The following DISP2 variants were observed in gnomAD, a reference collection of about 807,000 sequenced individuals.
DISP2 encodes protein dispatched homolog 2.
DISP2 carries 59 observed loss-of-function variants against 95.5 expected under a neutral mutation model. The observed-to-expected ratio is 0.62, with a 90% CI of 0.50 to 0.77. DISP2 has a LOEUF of 0.77. Ranked by LOEUF, DISP2 falls within the 30% of genes least tolerant of loss-of-function variation. The pLI is 0.00. For missense variants in DISP2, 1,752 were observed against 1,854.6 expected, an observed-to-expected ratio of 0.94 and a Z score of 1.02; for synonymous variants, 827 against 815.0, an observed-to-expected ratio of 1.01 and a Z score of -0.25.
chr15:40,367,426 C>T lies in DISP2; in HGVS notation c.1314C>T (p.Leu438=), dbSNP rs1235994964. The part of the protein sequence containing the change: ...YQVPSLKYSL[L]FLPTPKGASL... ...TGCCTTCCCTCAAGTACAGCCTGCT[C>T]TTCCTGCCCACCCCAAAGGGTGCTT... is the stretch of plus-strand genomic sequence containing the variant. The change falls in exon 8 of 8, where the codon CTC becomes CTT. Residue 438 remains leucine, a synonymous_variant. Coordinates refer to ENST00000267889, the MANE Select transcript of DISP2 (RefSeq NM_033510.3). 2.5e-6 allele frequency: 4 copies of T among 1,613,708 alleles called. No homozygotes were observed. Among genetic ancestry groups the T allele is most frequent in the Admixed American group, 1.7e-5 (1 of 59,990 alleles).
At position 40,369,366 on chromosome 15, in the gene DISP2, A is replaced by G. The variant is rs139523863; in HGVS notation, c.3254A>G (p.Tyr1085Cys). 9.1e-5 allele frequency: 147 copies of G among 1,613,558 alleles called. 1 individual carries two copies. The South Asian group carries it at 1.1e-3, about 13-fold the overall frequency. Reference protein sequence around the residue: ...VLMLPATVLLYRKLGIILMMV... With the variant: ...VLMLPATVLLCRKLGIILMMV... ...ATGCTGCCTGCCACAGTGCTGCTCT[A>G]TCGCAAGCTGGGCATCATCCTCATG... The change falls in exon 8 of 8, where the codon TAT becomes TGT. Residue 1085 changes from tyrosine to cysteine, a missense_variant. Tyr to Cys is a radical substitution (Grantham distance 194). Around this residue, in one of 5 missense-constraint regions of DISP2, gnomAD observed 317 missense variants for 394.9 expected, o/e 0.80. Transcript: ENST00000267889.
chr15:40,378,132 A>G lies in DISP2; in HGVS notation c.*7814A>G, dbSNP rs1184880361. ...CAATAAAAAATTACCAGTCATGCAA[A>G]CTATAACCCATCATAAGGAGAAAAA... On this transcript the variant is annotated 3_prime_UTR_variant, in exon 8 of 8. Transcript: ENST00000267889. 1 of 152,262 alleles carries G rather than the reference A, an allele frequency of 6.6e-6. No individual in the cohort carries two copies. The highest frequency in any genetic ancestry group is 1.5e-5 in the Non-Finnish European group (1 of 68,046). The allele number at this position is 152,262 out of a possible 1,614,324, so 9.4% of individuals were successfully genotyped here. A position where few individuals can be genotyped will look rare whatever the true frequency, so the allele number is the denominator to read the frequency against.
At chr15:40,360,975 A>G (rs971660042) in intron 1 of DISP2, among the ~76,000 whole-genome samples, 3 of 152,222 alleles carry the variant, frequency 2.0e-5, no homozygotes, top group African/African-American at 7.2e-5. Context: ...AACATCTTAA[A>G]GAGGTCTATG....
In DISP2 at chr15:40,365,632, G is replaced by A; in HGVS notation, c.852G>A (p.Lys284=). 1.2e-6 allele frequency: 2 copies of A among 1,614,130 alleles called. No homozygotes were observed. The highest frequency in any genetic ancestry group is 1.7e-6 in the Non-Finnish European group (2 of 1,179,994). The change falls in exon 7 of 8, where the codon AAG becomes AAA. Residue 284 remains lysine, a synonymous_variant. Coordinates refer to ENST00000267889, the MANE Select transcript of DISP2 (RefSeq NM_033510.3). ...QENFFCGPPE[K]SYAKLVFMST... ...GGTTGCGGGGGTATGTTGCAGAGAA[G>A]AGCTATGCAAAGCTGGTGTTCATGT...
In DISP2 at chr15:40,378,242, C is replaced by G. The variant is rs1415843014; in HGVS notation, c.*7924C>G. On this transcript the variant is annotated 3_prime_UTR_variant, in exon 8 of 8. Coordinates refer to ENST00000267889, the MANE Select transcript of DISP2 (RefSeq NM_033510.3). ...TTATTATAACTGTATTCCATATGTACTAAGTAGAGACTAGGAAGATATTTT... is the reference window on the plus strand; with the variant it reads ...TTATTATAACTGTATTCCATATGTAGTAAGTAGAGACTAGGAAGATATTTT... 1 of 152,124 alleles carries G rather than the reference C, an allele frequency of 6.6e-6. No individual in the cohort carries two copies. Among genetic ancestry groups the G allele is most frequent in the Non-Finnish European group, 1.5e-5 (1 of 68,034 alleles). The allele number at this position is 152,124 out of a possible 1,614,324, so 9.4% of individuals were successfully genotyped here. A position where few individuals can be genotyped will look rare whatever the true frequency, so the allele number is the denominator to read the frequency against.
Position 40,367,878 on chromosome 15 carries a change from T to C in DISP2, c.1766T>C (p.Phe589Ser). ...CGCGTGGGCCGCACCATGCACCACT[T>C]CGGCTACCTGCTGCTGGTCTCCGGC... is the stretch of plus-strand genomic sequence containing the variant. The part of the protein sequence containing the change: ...AQRVGRTMHH[F>S]GYLLLVSGLT... The change falls in exon 8 of 8, where the codon TTC (phenylalanine) becomes TCC (serine). Residue 589 changes from phenylalanine (F) to serine (S), a missense_variant. Coordinates refer to ENST00000267889, the MANE Select transcript of DISP2 (RefSeq NM_033510.3). 1 of 1,599,456 alleles carries C rather than the reference T, an allele frequency of 6.3e-7. No homozygotes were observed. Among genetic ancestry groups the C allele is most frequent in the Non-Finnish European group, 8.5e-7 (1 of 1,179,680 alleles).
Position 40,368,557 on chromosome 15 carries a change from C to T in DISP2, c.2445C>T (p.Leu815=). 1 of 1,604,334 alleles carries T rather than the reference C, an allele frequency of 6.2e-7. No homozygotes were observed. Among genetic ancestry groups the T allele is most frequent in the Non-Finnish European group, 8.5e-7 (1 of 1,179,896 alleles). ...AGGCCCAGCGCTGGCTGCTGGCACT[C>T]TGTCACCGGGCCCGGAATCAGAGCT... The part of the protein sequence containing the change: ...GPEAQRWLLA[L]CHRARNQSFF... Residue 815 remains leucine, a synonymous_variant, in exon 8 of 8, where the codon CTC becomes CTT. Coordinates refer to ENST00000267889, the MANE Select transcript of DISP2 (RefSeq NM_033510.3).
chr15:40,370,106 C>A lies in DISP2; in HGVS notation c.3994C>A (p.Gln1332Lys). Reference protein sequence around the residue: ...DTGQPVLERGQLNGKRDTLWL... With the variant: ...DTGQPVLERGKLNGKRDTLWL... ...TGGGCAGCCAGTCCTTGAGCGAGGC[C>A]AGCTCAATGGGAAGCGGGACACCCT... The change falls in exon 8 of 8, where the codon CAG becomes AAG. Residue 1332 changes from glutamine to lysine, a missense_variant. Physicochemically the swap from Gln to Lys is moderately conservative, Grantham distance 53. This residue lies in a region of DISP2 where 347 missense variants were observed against 344.2 expected (regional missense o/e 1.01). Transcript: ENST00000267889. The A allele has an allele frequency of 6.2e-7, 1 of 1,610,088 alleles. No homozygotes were observed. The highest frequency in any genetic ancestry group is 8.5e-7 in the Non-Finnish European group (1 of 1,177,938).
At position 40,367,253 on chromosome 15, in the gene DISP2, G is replaced by A. The variant is rs1175992177; in HGVS notation, c.1141G>A (p.Val381Met). Reference sequence around the variant, plus strand: ...CCTCTACTACCACAGTGGCGCCTTGGTGCCCTCTTGTCTGGGACCTGGGCA... The same window carrying A: ...CCTCTACTACCACAGTGGCGCCTTGATGCCCTCTTGTCTGGGACCTGGGCA... ...CALYYHSGALVPSCLGPGQNK... is the reference protein window; with the variant it reads ...CALYYHSGALMPSCLGPGQNK... The change falls in exon 8 of 8, where the codon GTG becomes ATG. Residue 381 changes from valine (V) to methionine (M), a missense_variant. By Grantham distance (21) the Val-to-Met change is conservative (BLOSUM62 1). Around this residue, in one of 5 missense-constraint regions of DISP2, gnomAD observed 732 missense variants for 714.6 expected, o/e 1.02. Coordinates refer to ENST00000267889, the MANE Select transcript of DISP2 (RefSeq NM_033510.3). 4 of 1,613,756 alleles carry A rather than the reference G, an allele frequency of 2.5e-6. No homozygotes were observed. The highest frequency in any genetic ancestry group is 2.5e-6 in the Non-Finnish European group (3 of 1,179,970).
In DISP2 at chr15:40,372,870, C is replaced by T. The variant is rs1228243904; in HGVS notation, c.*2552C>T. On this transcript the variant is annotated 3_prime_UTR_variant, in exon 8 of 8. Transcript: ENST00000267889. ...AGGGATCTGAGCACACCCGAGGGCC[C>T]TACCTGGGGATTTCCAGGTCATATT... 1 of 152,220 alleles carries T rather than the reference C, an allele frequency of 6.6e-6. No homozygotes were observed. The highest frequency in any genetic ancestry group is 1.5e-5 in the Non-Finnish European group (1 of 68,050). The allele number at this position is 152,220 out of a possible 1,614,324, so 9.4% of individuals were successfully genotyped here. A position where few individuals can be genotyped will look rare whatever the true frequency, so the allele number is the denominator to read the frequency against.
At chr15:40,358,652 C>T (rs1889359481) in intron 1 of DISP2, among the ~76,000 whole-genome samples, 1 of 152,064 alleles carries the variant, frequency 6.6e-6, no homozygotes, top group Admixed American at 6.5e-5. Context: ...AGTGTCAGCC[C>T]CCATCGCCCT....
At chr15:40,362,352 ATGTTGGTC>A (rs1423406853) in intron 1 of DISP2, among the ~76,000 whole-genome samples, 6 of 152,198 alleles carry the variant, frequency 3.9e-5, no homozygotes, top group Non-Finnish European at 7.3e-5. Flanking sequence ...AGCATTCAAC[ATGTTGGTC>A]TGTTAACACC....
In DISP2 at chr15:40,368,048, C is replaced by T. The variant is rs764597052; in HGVS notation, c.1936C>T (p.Arg646Cys). The stretch of plus-strand genomic sequence containing the variant: ...GCCCGCCTCCGCCGTGCTCCACGAG[C>T]GCTACCTGGCGCGCGGCTGTGCGCG... ...WLPASAVLHE[R>C]YLARGCARRA... Residue 646 changes from arginine (R) to cysteine (C), a missense_variant, in exon 8 of 8, where the codon CGC becomes TGC. Arg to Cys is a radical substitution (Grantham distance 180). Coordinates refer to ENST00000267889, the MANE Select transcript of DISP2 (RefSeq NM_033510.3). 2 of 1,518,248 alleles carry T rather than the reference C, an allele frequency of 1.3e-6. No homozygotes were observed. The highest frequency in any genetic ancestry group is 1.2e-5 in the South Asian group (1 of 82,470). 94.0% of individuals were successfully genotyped at this position (1,518,248 alleles called of 1,614,324 possible).
rs907093236 is a variant in DISP2 at position 40,378,155 on chromosome 15, A to C, written c.*7837A>C. The C allele has an allele frequency of 2.6e-5, 4 of 152,268 alleles. No individual in the cohort carries two copies. Among genetic ancestry groups the C allele is most frequent in the African/African-American group, 9.6e-5 (4 of 41,472 alleles). 9.4% of individuals were successfully genotyped at this position (152,268 alleles called of 1,614,324 possible). A position where few individuals can be genotyped will look rare whatever the true frequency, so the allele number is the denominator to read the frequency against. Reference sequence around the variant, plus strand: ...AAACTATAACCCATCATAAGGAGAAAAATCAGTTGAAACCACTACAGCTGA... The same window carrying C: ...AAACTATAACCCATCATAAGGAGAACAATCAGTTGAAACCACTACAGCTGA... On this transcript the variant is annotated 3_prime_UTR_variant, in exon 8 of 8. Transcript: ENST00000267889.
chr15:40,366,944 C>A, intron 7 of DISP2, 114 bp from the exon 8 acceptor site: 1 of 1,380,100 alleles, frequency 7.2e-7, no homozygotes, highest in South Asian at 1.4e-5. Context: ...GTCAAGATCC[C>A]TCTCTGCGCT....
chr15:40,370,170 T>C lies in DISP2; in HGVS notation c.4058T>C (p.Leu1353Ser). ...ALRETVYDPSLPASHHSSLSW... is the reference protein window; with the variant it reads ...ALRETVYDPSSPASHHSSLSW... ...AGGGAGACAGTGTATGACCCATCAT[T>C]GCCCGCTTCCCATCACAGCAGCTTG... The change falls in exon 8 of 8, where the codon TTG (leucine) becomes TCG (serine). Residue 1353 changes from leucine to serine, a missense_variant. Leu to Ser is a moderately radical substitution (Grantham distance 145, BLOSUM62 -2). This residue lies in a region of DISP2 where 347 missense variants were observed against 344.2 expected (regional missense o/e 1.01). Coordinates refer to ENST00000267889, the MANE Select transcript of DISP2 (RefSeq NM_033510.3). 6.2e-7 allele frequency: 1 copy of C among 1,612,262 alleles called. No homozygotes were observed. The highest frequency in any genetic ancestry group is 1.7e-5 in the Admixed American group (1 of 59,880).
At chr15:40,360,373 G>A (rs1027354821) in intron 1 of DISP2, among the ~76,000 whole-genome samples, 2 of 152,212 alleles carry the variant, frequency 1.3e-5, no homozygotes, top group African/African-American at 4.8e-5. Context: ...GAAGAGTGGA[G>A]GTCGGTTTTT....
intron 7 of DISP2, among the ~76,000 whole-genome samples, chr15:40,366,110 A>G (rs181740511): frequency 9.2e-5 from 14 of 152,358 alleles, no homozygotes; most frequent in African/African-American, 3.1e-4. Flanking sequence ...ATCATATACA[A>G]TAACATCTGA....
At position 40,370,161 on chromosome 15, in the gene DISP2, A is replaced by G. The variant is rs1453345360; in HGVS notation, c.4049A>G (p.Asp1350Gly). The G allele has an allele frequency of 3.1e-6, 5 of 1,611,852 alleles. No homozygotes were observed. Among genetic ancestry groups the G allele is most frequent in the Non-Finnish European group, 3.4e-6 (4 of 1,179,206 alleles). ...LWLALRETVY[D>G]PSLPASHHSS... ...CTGGCGCTGAGGGAGACAGTGTATG[A>G]CCCATCATTGCCCGCTTCCCATCAC... Residue 1350 changes from aspartate to glycine, a missense_variant, in exon 8 of 8, where the codon GAC (aspartate) becomes GGC (glycine). By Grantham distance (94) the Asp-to-Gly change is moderately conservative. Transcript: ENST00000267889.
Sources: gnomAD v4.1 joint callset for allele counts (sites outside exome capture counted in the v4.1 genomes callset) on GRCh38, gnomAD v4.1.1 for gene constraint, gnomAD v4.1.1 regional missense constraint, MANE v1.5 for transcripts, NCBI Gene and HGNC (gene_info 2026-07-23, HGNC 2026-07-21) for gene names.